FAAH2: variants seen among roughly 807,000 people sequenced by gnomAD.
The protein encoded by FAAH2 is fatty acid amide hydrolase 2, also known as fatty-acid amide hydrolase 2.
FAAH2 carries 60 observed loss-of-function variants against 36.9 expected under a neutral mutation model. The ratio of observed to expected loss-of-function variants is 1.63; its 90% confidence interval spans 1.32 to 2.02. The LOEUF (loss-of-function observed/expected upper bound fraction) is 2.02, where lower values mean the gene tolerates loss of function less well. Among genes scored for constraint, FAAH2 ranks in the 30% most tolerant of loss-of-function variants. The pLI, the probability that FAAH2 is intolerant of heterozygous loss-of-function variation, is 0.00. For synonymous variants in FAAH2, 214 were observed against 143.8 expected, an observed-to-expected ratio of 1.49 and a Z score of -3.49; for missense variants, 689 against 397.5, an observed-to-expected ratio of 1.73 and a Z score of -6.23.
the FAAH2 span, among the ~76,000 whole-genome samples, chrX:57,134,155 A>G: frequency 9.0e-6 from 1 of 111,723 alleles, no homozygotes; most frequent in African/African-American, 3.3e-5. Context: ...ATCAGACACC[A>G]TAGTTTTGAG....
At chrX:57,422,700 T>A (rs1205949738) in intron 7 of FAAH2, among the ~76,000 whole-genome samples, 1 of 111,476 alleles carries the variant, frequency 9.0e-6, no homozygotes, top group Non-Finnish European at 1.9e-5. Flanking sequence ...TGCCATTGCC[T>A]CTGTCCCTCT....
intron 8 of FAAH2, among the ~76,000 whole-genome samples, chrX:57,444,266 G>A (rs1329068277): frequency 8.9e-6 from 1 of 112,184 alleles, no homozygotes; most frequent in Non-Finnish European, 1.9e-5. Context: ...TCCAGTTTTA[G>A]CTTACCAGCC....
intron 7 of FAAH2, among the ~76,000 whole-genome samples, chrX:57,385,129 G>A (rs2054981152): frequency 1.8e-5 from 2 of 109,987 alleles, no homozygotes; most frequent in African/African-American, 6.6e-5. Context: ...AGGGCCTGTT[G>A]TGGGGTGGGG....
At chrX:57,374,767 G>A (rs2054629306) in intron 5 of FAAH2, among the ~76,000 whole-genome samples, 1 of 110,974 alleles carries the variant, frequency 9.0e-6, no homozygotes. Flanking sequence ...TGGTGAGAGT[G>A]GGCATCCTTG....
chrX:57,481,864 T>C (rs957786674), intron 10 of FAAH2, among the ~76,000 whole-genome samples: 12 of 112,041 alleles, frequency 1.1e-4, no homozygotes, highest in Non-Finnish European at 2.1e-4. Context: ...CAGCTACCCC[T>C]TCCCCCAGAT....
At chrX:57,175,215 T>G in the FAAH2 span, among the ~76,000 whole-genome samples, 2 of 111,809 alleles carry the variant, frequency 1.8e-5, no homozygotes, top group African/African-American at 6.5e-5. Context: ...ATCTCTTTTC[T>G]TAGGTCTGGT....
chrX:57,364,242 G>T (rs1348421196), intron 5 of FAAH2, among the ~76,000 whole-genome samples: 1 of 108,756 alleles, frequency 9.2e-6, no homozygotes, highest in African/African-American at 3.3e-5. Flanking sequence ...ATGCATTATT[G>T]GTCTTTTCAG....
chrX:57,366,881 C>G (rs771372871), intron 5 of FAAH2, among the ~76,000 whole-genome samples: 2 of 111,842 alleles, frequency 1.8e-5, no homozygotes, highest in Non-Finnish European at 3.8e-5. Flanking sequence ...CCAACAAAGG[C>G]TAGAGCTGCC....
At chrX:57,354,278 G>A (rs191975777) in intron 5 of FAAH2, among the ~76,000 whole-genome samples, 1 of 110,927 alleles carries the variant, frequency 9.0e-6, no homozygotes, top group Non-Finnish European at 1.9e-5. Flanking sequence ...GTCTTTTGCA[G>A]CAACATGGAT....
At chrX:57,178,094 T>C in the FAAH2 span, among the ~76,000 whole-genome samples, 2 of 111,647 alleles carry the variant, frequency 1.8e-5, no homozygotes, top group African/African-American at 6.5e-5. Context: ...ATGTGACCTG[T>C]CTGTCCTCTT....
chrX:57,230,941 CT>C, the FAAH2 span, among the ~76,000 whole-genome samples: 1 of 108,707 alleles, frequency 9.2e-6, no homozygotes, highest in Non-Finnish European at 1.9e-5. Flanking sequence ...TGCTTTTGTG[CT>C]TTTTTTATTC....
the FAAH2 span, among the ~76,000 whole-genome samples, chrX:57,268,176 A>G: frequency 8.9e-6 from 1 of 112,422 alleles, no homozygotes; most frequent in African/African-American, 3.2e-5. Context: ...TAGAGCTGAA[A>G]AACACACTAT....
At chrX:57,358,600 C>T (rs2054217212) in intron 5 of FAAH2, among the ~76,000 whole-genome samples, 2 of 111,197 alleles carry the variant, frequency 1.8e-5, no homozygotes, top group African/African-American at 6.5e-5. Flanking sequence ...GTTTCTCAAC[C>T]TGTTCATCTG....
At chrX:57,328,112 C>G (rs778701335) in intron 3 of FAAH2, among the ~76,000 whole-genome samples, 36 of 111,984 alleles carry the variant, frequency 3.2e-4, no homozygotes, top group Non-Finnish European at 6.0e-4. Flanking sequence ...CCCTGCAGAC[C>G]CTGTTTGCCT....
At chrX:57,216,638 G>GTATATATATATACGTATATATA in the FAAH2 span, among the ~76,000 whole-genome samples, 1 of 76,527 alleles carries the variant, frequency 1.3e-5, no homozygotes, top group Admixed American at 1.5e-4. Flanking sequence ...ATATATATAC[G>GTATATATATATACGTATATATA]TATATATATA....
At chrX:57,474,418 C>A (rs1008303355) in intron 10 of FAAH2, among the ~76,000 whole-genome samples, 1 of 110,492 alleles carries the variant, frequency 9.1e-6, no homozygotes, top group Non-Finnish European at 1.9e-5. Flanking sequence ...TCCATGTGTT[C>A]TCATTGTTCA....
At chrX:57,352,095 C>CAT (rs57909192) in intron 5 of FAAH2, among the ~76,000 whole-genome samples, 1 of 45,048 alleles carries the variant, frequency 2.2e-5, no homozygotes, top group African/African-American at 1.0e-4. Context: ...TATATATGCA[C>CAT]ATATATATAT....
At chrX:57,376,359 A>T (rs1029782653) in intron 5 of FAAH2, among the ~76,000 whole-genome samples, 13 of 110,778 alleles carry the variant, frequency 1.2e-4, no homozygotes, top group Admixed American at 9.6e-4. Flanking sequence ...TACCTTAGGT[A>T]TTTCTCCTAA....
intron 5 of FAAH2, among the ~76,000 whole-genome samples, chrX:57,343,424 A>C (rs746086257): frequency 4.4e-4 from 49 of 111,420 alleles, no homozygotes; most frequent in Non-Finnish European, 4.3e-4. Context: ...TCTTCTTTTG[A>C]GAAGTGTCCA....
Sources: allele counts gnomAD v4.1 joint callset (sites outside exome capture counted in the v4.1 genomes callset), GRCh38; gene constraint gnomAD v4.1.1; transcripts MANE v1.5; gene names NCBI Gene and HGNC (gene_info 2026-07-23, HGNC 2026-07-21).